Variants in CEP57L1 observed in about 807,000 individuals in gnomAD.
CEP57L1 encodes the protein centrosomal protein 57 like 1.
In CEP57L1, 37 loss-of-function variants were observed where a neutral mutation model predicts 61.0. The ratio of observed to expected loss-of-function variants is 0.61; its 90% CI spans 0.47 to 0.80. CEP57L1 has a LOEUF of 0.80. CEP57L1 is among the 30% of genes least tolerant of loss of function. The pLI, the probability that CEP57L1 is intolerant of heterozygous loss-of-function variation, is 0.00. For synonymous variants in CEP57L1, 137 were observed against 162.3 expected, an observed-to-expected ratio of 0.84 and a Z score of 1.19; for missense variants, 422 against 524.7, an observed-to-expected ratio of 0.80 and a Z score of 1.91.
rs769585485 is a variant in CEP57L1 at position 109,159,438 on chromosome 6, A to C, written c.992A>C (p.Gln331Pro). 7.4e-6 allele frequency: 12 copies of C among 1,613,658 alleles called. No homozygotes were observed. Among genetic ancestry groups the C allele is most frequent in the South Asian group, 5.5e-5 (5 of 91,066 alleles). Residue 331 changes from glutamine to proline, a missense_variant, in exon 9 of 11, where the codon CAA (glutamine) becomes CCA (proline). Gln to Pro is a moderately conservative substitution (Grantham distance 76, BLOSUM62 -1). Transcript: ENST00000517392. The part of the protein sequence containing the change: ...DNLSELLMAM[Q>P]DELDQMSMEH... ...TTATCTGAACTTTTGATGGCAATGC[A>C]AGATGAGCTGGACCAAATGAGCATG...
At chr6:109,136,184 G>T (rs1313190054) in intron 1 of CEP57L1, among the ~76,000 whole-genome samples, 2 of 152,170 alleles carry the variant, frequency 1.3e-5, no homozygotes, top group Non-Finnish European at 2.9e-5. Flanking sequence ...CTCAGTGATA[G>T]ACTGGATTAA....
intron 1 of CEP57L1, among the ~76,000 whole-genome samples, chr6:109,135,444 C>G (rs1220884148): frequency 6.6e-6 from 1 of 152,082 alleles, no homozygotes; most frequent in Non-Finnish European, 1.5e-5. Flanking sequence ...AATGTTAGAC[C>G]TAAAACCATA....
At position 109,141,754 on chromosome 6, in the gene CEP57L1, A is replaced by G. The variant is rs551213669; in HGVS notation, c.-3-3465A>G. Among the ~76,000 whole-genome samples the G allele has an allele frequency of 1.4e-4, 22 of 152,250 alleles. No individual in the cohort carries two copies. In the South Asian group the frequency reaches 4.1e-3, roughly 29 times the overall value. On this transcript the variant is annotated intron_variant, in intron 1 of 10. Transcript: ENST00000517392. ...AAGTTATAGTACTTCCTAAAGTACT[A>G]TACATTAAAAAATAAAAGAGTTAGT...
chr6:109,140,215 C>T (rs982690620), intron 1 of CEP57L1, among the ~76,000 whole-genome samples: 1 of 151,916 alleles, frequency 6.6e-6, no homozygotes, highest in East Asian at 1.9e-4. Context: ...CCCTCAGCCT[C>T]CTGAGTAGCT....
At chr6:109,103,200 T>C (rs1310940096) in intron 1 of CEP57L1, among the ~76,000 whole-genome samples, 2 of 152,196 alleles carry the variant, frequency 1.3e-5, no homozygotes, top group Non-Finnish European at 2.9e-5. Context: ...TGACTTCAAC[T>C]TAAGTTTTTA....
chr6:109,119,679 G>A (rs1294482090), intron 1 of CEP57L1, among the ~76,000 whole-genome samples: 1 of 152,174 alleles, frequency 6.6e-6, no homozygotes, highest in Non-Finnish European at 1.5e-5. Flanking sequence ...AAATAAATGA[G>A]TGCAAACTCC....
intron 1 of CEP57L1, among the ~76,000 whole-genome samples, chr6:109,125,997 A>T (rs1227915487): frequency 1.3e-5 from 2 of 152,166 alleles, no homozygotes; most frequent in Non-Finnish European, 2.9e-5. Context: ...TTTTTAAGTT[A>T]GGACAGTATT....
chr6:109,108,513 C>T (rs565929114), intron 1 of CEP57L1, among the ~76,000 whole-genome samples: 1 of 152,160 alleles, frequency 6.6e-6, no homozygotes, highest in Admixed American at 6.5e-5. Flanking sequence ...CCACAGCCAG[C>T]CCCATTTTTC....
At chr6:109,134,497 T>C (rs1774587976) in intron 1 of CEP57L1, among the ~76,000 whole-genome samples, 1 of 152,144 alleles carries the variant, frequency 6.6e-6, no homozygotes, top group African/African-American at 2.4e-5. Flanking sequence ...CTTTGAAAAC[T>C]GGCACAAGAC....
intron 1 of CEP57L1, among the ~76,000 whole-genome samples, chr6:109,140,975 C>T (rs1053277446): frequency 6.6e-6 from 1 of 151,586 alleles, no homozygotes. Context: ...GGACTACGGG[C>T]GCCCACCACC....
In CEP57L1 at chr6:109,135,943, A is replaced by G. The variant is rs530731323; in HGVS notation, c.-3-9276A>G. ...GGTGCTGGAGAGGATGTGGAGAAAT[A>G]GAAACACTTTTACACTGTTGGTGGG... is the stretch of plus-strand genomic sequence containing the variant. On this transcript the variant is annotated intron_variant, in intron 1 of 10. Coordinates refer to ENST00000517392, the MANE Select transcript of CEP57L1 (RefSeq NM_001271852.3). Among the ~76,000 whole-genome samples the G allele has an allele frequency of 2.4e-3, 359 of 152,314 alleles. 1 individual carries two copies. The highest frequency in any genetic ancestry group is 8.3e-3 in the African/African-American group (343 of 41,566).
At chr6:109,143,919 C>T (rs1425031201) in intron 1 of CEP57L1, among the ~76,000 whole-genome samples, 2 of 152,080 alleles carry the variant, frequency 1.3e-5, no homozygotes, top group Admixed American at 6.6e-5. Flanking sequence ...TCAGGATTTA[C>T]GTACTTTAGG....
intron 2 of CEP57L1, 55 bp downstream of exon 2, chr6:109,145,436 C>G: frequency 1.6e-6 from 2 of 1,237,278 alleles, no homozygotes; most frequent in Non-Finnish European, 2.2e-6. Flanking sequence ...AAAAACTTTT[C>G]ATATTTATGT....
intron 1 of CEP57L1, among the ~76,000 whole-genome samples, chr6:109,136,700 TTTTTATTTTATTTTATTTTATTTTA>T (rs557844549): frequency 6.5e-4 from 75 of 115,858 alleles, no homozygotes; most frequent in African/African-American, 2.4e-3. Flanking sequence ...GAAACTTGTA[TTTTTATTTTATTTTATTTTATTTTA>T]TTTTATTTTA....
chr6:109,158,995 T>C (rs1007028028), intron 7 of CEP57L1, 30 bp from the exon 8 acceptor site: 1 of 1,580,942 alleles, frequency 6.3e-7, no homozygotes. Flanking sequence ...AATAATTTCT[T>C]GTTTACGTTT....
Position 109,169,512 on chromosome 6 carries a change from C to G in CEP57L1, c.*6542C>G, listed in dbSNP as rs979758233. On this transcript the variant is annotated 3_prime_UTR_variant, in exon 11 of 11. Coordinates refer to ENST00000517392, the MANE Select transcript of CEP57L1 (RefSeq NM_001271852.3). The stretch of plus-strand genomic sequence containing the variant: ...ATTGTTTCATGTGTTTTACAGATAA[C>G]AAGTCTCATTTTAATCAATACTGTT... Among the ~76,000 whole-genome samples the G allele has an allele frequency of 2.6e-5, 4 of 152,116 alleles. No homozygotes were observed. The highest frequency in any genetic ancestry group is 9.7e-5 in the African/African-American group (4 of 41,442).
chr6:109,096,779 A>G (rs1248044444), intron 1 of CEP57L1, among the ~76,000 whole-genome samples: 1 of 152,222 alleles, frequency 6.6e-6, no homozygotes, highest in African/African-American at 2.4e-5. Flanking sequence ...AACAAAAACC[A>G]TTCCGTTTTC....
At chr6:109,136,972 A>G (rs1770810541) in intron 1 of CEP57L1, among the ~76,000 whole-genome samples, 1 of 151,956 alleles carries the variant, frequency 6.6e-6, no homozygotes, top group Non-Finnish European at 1.5e-5. Context: ...GCTGGTCTTG[A>G]ACTCCTGGGG....
intron 10 of CEP57L1, among the ~76,000 whole-genome samples, chr6:109,161,171 C>G (rs1209486376): frequency 6.6e-6 from 1 of 152,114 alleles, no homozygotes; most frequent in Admixed American, 6.6e-5. Context: ...CCAAAACAAG[C>G]TGTTTTATGT....
Sources: allele counts gnomAD v4.1 joint callset (sites outside exome capture counted in the v4.1 genomes callset), GRCh38; gene constraint gnomAD v4.1.1; transcripts MANE v1.5; gene names NCBI Gene and HGNC (gene_info 2026-07-23, HGNC 2026-07-21).